The following TANC2 variants were observed in gnomAD, a reference collection of about 807,000 sequenced individuals.
The protein encoded by TANC2 is protein TANC2.
A neutral mutation model predicts 210.5 loss-of-function variants in TANC2; 26 were observed. That is an observed-to-expected ratio of 0.12 (90% CI 0.09 to 0.17). The LOEUF (loss-of-function observed/expected upper bound fraction) is 0.17. TANC2 is among the 10% of genes least tolerant of loss of function. The pLI is 1.00. For missense variants in TANC2, 2,129 were observed against 2,608.9 expected (o/e 0.82, Z 4.01); for synonymous variants, 931 against 967.1 (o/e 0.96, Z 0.69).
chr17:63,384,890 A>G (rs1347830443), intron 15 of TANC2, among the ~76,000 whole-genome samples: 2 of 152,180 alleles, frequency 1.3e-5, no homozygotes, highest in Non-Finnish European at 2.9e-5. Flanking sequence ...TTAGTCTATT[A>G]TAGTTGCTAC....
intron 7 of TANC2, among the ~76,000 whole-genome samples, chr17:63,229,555 G>GTT (rs34411520): frequency 3.6e-4 from 51 of 140,342 alleles, no homozygotes; most frequent in East Asian, 1.1e-3. Flanking sequence ...CTGGTCCTGG[G>GTT]TTTTTTTTTT....
chr17:63,076,225 T>C (rs968533141), intron 3 of TANC2, among the ~76,000 whole-genome samples: 1 of 152,062 alleles, frequency 6.6e-6, no homozygotes, highest in African/African-American at 2.4e-5. Context: ...GCAAAATTTA[T>C]CCTTAGGAGT....
intron 11 of TANC2, among the ~76,000 whole-genome samples, chr17:63,326,327 A>G (rs1225229912): frequency 3.3e-5 from 5 of 152,246 alleles, no homozygotes; most frequent in Non-Finnish European, 7.3e-5. Context: ...CTAAATAACC[A>G]TATAGATAAC....
At chr17:63,129,952 GACA>G (rs1440857285) in intron 4 of TANC2, among the ~76,000 whole-genome samples, 2 of 150,226 alleles carry the variant, frequency 1.3e-5, no homozygotes, top group East Asian at 4.0e-4. Flanking sequence ...TACACTTATG[GACA>G]ACAACACGTA....
intron 2 of TANC2, among the ~76,000 whole-genome samples, chr17:63,046,079 A>G (rs181223087): frequency 2.0e-5 from 3 of 152,228 alleles, no homozygotes; most frequent in Non-Finnish European, 2.9e-5. Context: ...CAAGAACTTT[A>G]CTAATGATAA....
intron 9 of TANC2, among the ~76,000 whole-genome samples, chr17:63,289,669 T>G (rs576643562): frequency 1.3e-5 from 2 of 152,338 alleles, no homozygotes; most frequent in South Asian, 4.1e-4. Context: ...GTCTGTGTGT[T>G]ACATCTCTGC....
In TANC2 at chr17:63,413,652, C is replaced by G; in HGVS notation, c.4020+18C>G. The G allele has an allele frequency of 6.4e-7, 1 of 1,571,778 alleles. No individual in the cohort carries two copies. The highest frequency in any genetic ancestry group is 8.7e-7 in the Non-Finnish European group (1 of 1,155,798). On this transcript the variant is annotated intron_variant, in intron 25 of 27. Coordinates refer to ENST00000689528, the Ensembl canonical transcript of TANC2. ...TTTATAAGGTGAGGGGAGGGAGGGA[C>G]ACAGTTTCTTCAGAACAGCCACTGA...
chr17:63,113,637 A>G (rs2038138542), intron 4 of TANC2, among the ~76,000 whole-genome samples: 1 of 152,134 alleles, frequency 6.6e-6, no homozygotes, highest in Non-Finnish European at 1.5e-5. Flanking sequence ...CCTCCTGAGT[A>G]GCTGGGACTA....
At chr17:63,300,531 CTT>C (rs2044678509) in intron 9 of TANC2, among the ~76,000 whole-genome samples, 1 of 152,060 alleles carries the variant, frequency 6.6e-6, no homozygotes, top group Non-Finnish European at 1.5e-5. Flanking sequence ...TATTCTCTCT[CTT>C]TGTAGTGATT....
chr17:63,352,484 A>G (rs1161493889), intron 13 of TANC2, among the ~76,000 whole-genome samples: 2 of 152,180 alleles, frequency 1.3e-5, no homozygotes, highest in African/African-American at 4.8e-5. Context: ...TAAAAATTAT[A>G]TAACCTATCA....
intron 4 of TANC2, among the ~76,000 whole-genome samples, chr17:63,115,678 T>C (rs1173446627): frequency 6.6e-6 from 1 of 152,200 alleles, no homozygotes; most frequent in Non-Finnish European, 1.5e-5. Context: ...AAATTCCACT[T>C]TTCATTTTTC....
chr17:63,320,536 T>G (rs2045463230), intron 11 of TANC2: 1 of 152,184 alleles, frequency 6.6e-6, no homozygotes, highest in African/African-American at 2.4e-5. Flanking sequence ...TACTTACTGT[T>G]TCTAAAAGCA....
intron 9 of TANC2, among the ~76,000 whole-genome samples, chr17:63,310,975 G>A (rs1207340939): frequency 1.3e-5 from 2 of 152,164 alleles, no homozygotes; most frequent in Admixed American, 1.3e-4. Flanking sequence ...GATGTGTATT[G>A]TACCACTGCT....
intron 14 of TANC2, among the ~76,000 whole-genome samples, chr17:63,377,191 A>G (rs2047452376): frequency 6.6e-6 from 1 of 152,098 alleles, no homozygotes; most frequent in South Asian, 2.1e-4. Flanking sequence ...CTGCCATGAA[A>G]ACCTTCAACG....
At chr17:63,408,810 G>A (rs2147312707) in intron 21 of TANC2, among the ~76,000 whole-genome samples, 1 of 152,314 alleles carries the variant, frequency 6.6e-6, no homozygotes, top group East Asian at 1.9e-4. Context: ...GTCCAGCTGA[G>A]GGGGCAGCCA....
intron 1 of TANC2, among the ~76,000 whole-genome samples, chr17:62,970,351 GT>G: frequency 6.6e-6 from 1 of 152,238 alleles, no homozygotes; most frequent in Admixed American, 6.5e-5. Context: ...TTACTGGTTG[GT>G]AGTTCATTTT....
At chr17:63,005,076 T>A (rs185785550) in intron 1 of TANC2, 4,502 of 152,280 alleles carry the variant, frequency 0.03, 82 homozygotes, top group African/African-American at 0.037. Context: ...TGAATTTTTT[T>A]AAAAAAAATC....
At chr17:63,414,580 T>C (rs2048802799) in intron 25 of TANC2, among the ~76,000 whole-genome samples, 1 of 152,242 alleles carries the variant, frequency 6.6e-6, no homozygotes, top group South Asian at 2.1e-4. Context: ...GCATAACTTC[T>C]GGTATTCTGA....
At chr17:63,346,027 A>T (rs1350857069) in intron 12 of TANC2, among the ~76,000 whole-genome samples, 1 of 152,212 alleles carries the variant, frequency 6.6e-6, no homozygotes, top group Non-Finnish European at 1.5e-5. Context: ...GCAATTAGAG[A>T]ATTCTTGTCA....
Sources: allele counts gnomAD v4.1 joint callset (sites outside exome capture counted in the v4.1 genomes callset), GRCh38; gene constraint gnomAD v4.1.1; transcripts MANE v1.5; gene names NCBI Gene and HGNC (gene_info 2026-07-23, HGNC 2026-07-21).